Variants in WDR31 observed in about 807,000 individuals in gnomAD.
WDR31 encodes the protein WD repeat-containing protein 31.
WDR31 carries 30 observed loss-of-function variants against 47.3 expected under a neutral mutation model. The ratio of observed to expected loss-of-function variants is 0.63; its 90% confidence interval spans 0.47 to 0.86. WDR31 has a LOEUF of 0.86. Among genes scored for constraint, WDR31 ranks in the 40% least tolerant of loss-of-function variants. WDR31 has a pLI of 0.00. For synonymous variants in WDR31, 137 were observed against 159.4 expected (o/e 0.86, Z 1.06); for missense variants, 406 against 442.9 (o/e 0.92, Z 0.75).
chr9:113,328,103 T>C (rs537258764), intron 5 of WDR31, among the ~76,000 whole-genome samples: 1 of 152,358 alleles, frequency 6.6e-6, no homozygotes, highest in East Asian at 1.9e-4. Context: ...TGTTACATTG[T>C]CTTGTTTTAC....
chr9:113,329,106 C>T (rs560863249), intron 4 of WDR31, 151 bp from the exon 5 acceptor site: 162 of 678,412 alleles, frequency 2.4e-4, no homozygotes, highest in Middle Eastern at 9.9e-4. Flanking sequence ...CTGTTGTGGC[C>T]GTCCCTCCTC....
chr9:113,324,767 A>G (rs1833416804), intron 5 of WDR31, among the ~76,000 whole-genome samples: 1 of 151,708 alleles, frequency 6.6e-6, no homozygotes, highest in Admixed American at 6.6e-5. Flanking sequence ...TGAATCTGTC[A>G]AAGGACATTT....
chr9:113,332,540 G>GAACATGCTAAGCAAAAGA (rs1833622366), intron 2 of WDR31, among the ~76,000 whole-genome samples: 3 of 152,158 alleles, frequency 2.0e-5, no homozygotes, highest in African/African-American at 7.2e-5. Flanking sequence ...AAAGAAGCCA[G>GAACATGCTAAGCAAAAGA]ACATGAAAGG....
intron 5 of WDR31, among the ~76,000 whole-genome samples, chr9:113,323,935 T>A (rs1833391013): frequency 6.6e-6 from 1 of 152,266 alleles, no homozygotes; most frequent in South Asian, 2.1e-4. Context: ...TGCTTGATAT[T>A]ATTATCATCC....
rs958989645 is a variant in WDR31, at chr9:113,315,978, C to T, written c.*771G>A. ...AATCCAAATGAAAATATTAAAATTG[C>T]AAGTGAGATATTTTTGGCCTTAATC... On this transcript the variant is annotated 3_prime_UTR_variant, in exon 11 of 11. Coordinates refer to ENST00000374193, the MANE Select transcript of WDR31 (RefSeq NM_001012361.4). 2 of 152,146 alleles carry T rather than the reference C, an allele frequency of 1.3e-5. No individual in the cohort carries two copies. The highest frequency in any genetic ancestry group is 2.9e-5 in the Non-Finnish European group (2 of 68,028). The allele number at this position is 152,146 out of a possible 1,614,324, so 9.4% of individuals were successfully genotyped here.
At chr9:113,332,199 A>T (rs1196137521) in intron 2 of WDR31, 149 bp from the exon 3 acceptor site, 4 of 534,382 alleles carry the variant, frequency 7.5e-6, no homozygotes. Flanking sequence ...GAGGTTGCAG[A>T]CACACAAAAA....
At chr9:113,324,060 A>G (rs1051977247) in intron 5 of WDR31, among the ~76,000 whole-genome samples, 2 of 152,096 alleles carry the variant, frequency 1.3e-5, no homozygotes, top group Non-Finnish European at 2.9e-5. Context: ...AAATATACAT[A>G]AAACTTACCA....
At position 113,320,341 on chromosome 9, in the gene WDR31, TCA is replaced by T. The variant is rs746029504; in HGVS notation, c.780+14_780+15del. On this transcript the variant is annotated intron_variant, in intron 9 of 10. Transcript: ENST00000374193. Reference sequence around the variant, plus strand: ...TCATCAGCAACCAGATACCTGGACCTCACACAGTCTCCTACCGTGGCTTCACA... The same window carrying T: ...TCATCAGCAACCAGATACCTGGACCTCACAGTCTCCTACCGTGGCTTCACA... The T allele has an allele frequency of 1.9e-5, 31 of 1,613,232 alleles. No individual in the cohort carries two copies. Among genetic ancestry groups the T allele is most frequent in the African/African-American group, 9.3e-5 (7 of 74,934 alleles).
chr9:113,318,678 T>C (rs751530074), intron 9 of WDR31, 41 bp from the exon 10 acceptor site: 26 of 1,606,182 alleles, frequency 1.6e-5, no homozygotes, highest in Middle Eastern at 3.3e-4. Context: ...GTCACTTGTC[T>C]AGCTTCATCC....
intron 4 of WDR31, 142 bp downstream of exon 4, chr9:113,330,842 A>T: frequency 2.1e-6 from 2 of 959,770 alleles, no homozygotes; most frequent in Non-Finnish European, 2.9e-6. Context: ...GCAGGGATTT[A>T]AATCCAGTCT....
chr9:113,317,013 T>A (rs933320576), intron 10 of WDR31, 104 bp from the exon 11 acceptor site: 1 of 1,364,334 alleles, frequency 7.3e-7, no homozygotes, highest in South Asian at 1.5e-5. Flanking sequence ...GCTGTACATA[T>A]CTAACCCGTA....
At chr9:113,330,289 T>C (rs750055648) in intron 4 of WDR31, among the ~76,000 whole-genome samples, 12 of 152,076 alleles carry the variant, frequency 7.9e-5, no homozygotes, top group Admixed American at 3.9e-4. Flanking sequence ...TTAGTAGAGA[T>C]GGGGCTTCGC....
chr9:113,330,314 TG>T (rs1198811988), intron 4 of WDR31, among the ~76,000 whole-genome samples: 2 of 152,198 alleles, frequency 1.3e-5, no homozygotes, highest in Non-Finnish European at 2.9e-5. Flanking sequence ...TTGTCCAGGC[TG>T]GTCTTTAGCT....
At chr9:113,322,959 G>A (rs781424683) in intron 6 of WDR31, 48 bp from the exon 7 acceptor site, 38 of 1,613,732 alleles carry the variant, frequency 2.4e-5, no homozygotes, top group Admixed American at 3.3e-5. Context: ...GGACCTGAAC[G>A]GGGCTTTTCA....
intron 2 of WDR31, among the ~76,000 whole-genome samples, chr9:113,335,329 C>T (rs914323639): frequency 5.9e-5 from 9 of 152,126 alleles, no homozygotes; most frequent in Admixed American, 2.0e-4. Context: ...AGGAACCTAA[C>T]GAAGGACCAG....
chr9:113,324,408 G>C, intron 5 of WDR31, among the ~76,000 whole-genome samples: 1 of 52,792 alleles, frequency 1.9e-5, no homozygotes, highest in East Asian at 5.3e-4. Flanking sequence ...TTTTTTTTTT[G>C]AGACAGGGTC....
intron 2 of WDR31, among the ~76,000 whole-genome samples, chr9:113,335,236 G>A (rs1833690895): frequency 6.6e-6 from 1 of 152,188 alleles, no homozygotes; most frequent in Non-Finnish European, 1.5e-5. Context: ...CCTTATTTGT[G>A]TAGGTCCTAT....
intron 5 of WDR31, among the ~76,000 whole-genome samples, chr9:113,324,826 A>ATGTGTG (rs1290289416): frequency 3.8e-4 from 42 of 109,370 alleles, no homozygotes; most frequent in African/African-American, 1.3e-3. Flanking sequence ...CTATATATAT[A>ATGTGTG]TATGTGTGTG....
At chr9:113,323,605 T>C (rs1477158395) in intron 5 of WDR31, among the ~76,000 whole-genome samples, 1 of 152,256 alleles carries the variant, frequency 6.6e-6, no homozygotes, top group Non-Finnish European at 1.5e-5. Flanking sequence ...GCTTGAAATC[T>C]ATGAATGCAC....
Sources: gnomAD v4.1 joint callset for allele counts (sites outside exome capture counted in the v4.1 genomes callset) on GRCh38, gnomAD v4.1.1 for gene constraint, MANE v1.5 for transcripts, NCBI Gene and HGNC (gene_info 2026-07-23, HGNC 2026-07-21) for gene names.